The following TSC2 variants were observed in gnomAD, a reference collection of about 807,000 sequenced individuals.
The protein encoded by TSC2 is tuberin.
In TSC2, 29 loss-of-function variants were observed where a neutral mutation model predicts 202.2. The ratio of observed to expected loss-of-function variants is 0.14; its 90% CI spans 0.11 to 0.20. The LOEUF is 0.20. Ranked by LOEUF, TSC2 falls within the 10% of genes least tolerant of loss-of-function variation. The pLI, the probability that TSC2 is intolerant of heterozygous loss-of-function variation, is 1.00. For synonymous variants in TSC2, 1,349 were observed against 1,044.0 expected, an observed-to-expected ratio of 1.29 and a Z score of -5.63; for missense variants, 2,429 against 2,420.0, an observed-to-expected ratio of 1.00 and a Z score of -0.08.
chr16:2,065,387 T>C, intron 15 of TSC2, 132 bp from the exon 16 acceptor site: 2 of 794,712 alleles, frequency 2.5e-6, no homozygotes, highest in South Asian at 1.4e-5. Flanking sequence ...CACTCCAGCC[T>C]GGGCGACAGA....
chr16:2,077,365 CCTTA>C (rs1349174942), intron 25 of TSC2: 2 of 623,924 alleles, frequency 3.2e-6, no homozygotes, highest in Admixed American at 2.6e-5. Context: ...ATGCGTGAAG[CCTTA>C]CTTGTTCTCA....
chr16:2,081,897 G>A (rs918567221), intron 31 of TSC2, 99 bp downstream of exon 31: 26 of 1,476,154 alleles, frequency 1.8e-5, no homozygotes, highest in Middle Eastern at 4.7e-4. Context: ...GCGCCCACAC[G>A]GCTGGGAGTG....
intron 32 of TSC2, 152 bp from the exon 33 acceptor site, chr16:2,083,543 C>G (rs983463013): frequency 7.3e-7 from 1 of 1,360,584 alleles, no homozygotes; most frequent in South Asian, 1.3e-5. Context: ...TCCTCCCTGC[C>G]CGCTCGGTGG....
At position 2,087,302 on chromosome 16, in the gene TSC2, G is replaced by A. The variant is rs889448612; in HGVS notation, c.4989+431G>A. The A allele has an allele frequency of 2.0e-5, 7 of 342,792 alleles. No homozygotes were observed. In the Admixed American group the frequency reaches 2.9e-4, roughly 14 times the overall value. 21.2% of individuals were successfully genotyped at this position (342,792 alleles called of 1,614,324 possible). ...GCCAGTGTCACAGCACGGTCCGGGT[G>A]AGCCCCAGCATGGCGGGGAGAGCTG... On this transcript the variant is annotated intron_variant, in intron 38 of 41. Coordinates refer to ENST00000219476, the MANE Select transcript of TSC2 (RefSeq NM_000548.5).
intron 9 of TSC2, among the ~76,000 whole-genome samples, chr16:2,058,529 A>G (rs377430959): frequency 6.6e-6 from 1 of 152,224 alleles, no homozygotes; most frequent in East Asian, 1.9e-4. Flanking sequence ...TGTAGCTCAC[A>G]GCGTGGTCAG....
At chr16:2,057,329 C>T (rs1319395260) in intron 9 of TSC2, 151 bp downstream of exon 9, 9 of 874,352 alleles carry the variant, frequency 1.0e-5, no homozygotes, top group African/African-American at 1.7e-5. Flanking sequence ...AGGCCCATGA[C>T]TTCTAGGATC....
At chr16:2,071,144 C>A (rs1596340051) in intron 17 of TSC2, among the ~76,000 whole-genome samples, 1 of 152,304 alleles carries the variant, frequency 6.6e-6, no homozygotes, top group East Asian at 1.9e-4. Flanking sequence ...GAGTCCTGTT[C>A]AGCCTGTCGA....
chr16:2,053,853 C>T (rs1204926856), intron 4 of TSC2: 2 of 488,612 alleles, frequency 4.1e-6, no homozygotes, highest in Non-Finnish European at 8.1e-6. Flanking sequence ...ACACCCAGGC[C>T]TCTTGGTGTT....
At chr16:2,069,006 C>T (rs1003536447) in intron 16 of TSC2, among the ~76,000 whole-genome samples, 7 of 151,752 alleles carry the variant, frequency 4.6e-5, no homozygotes, top group African/African-American at 1.7e-4. Context: ...GGAGAGGAGA[C>T]ACATGGTCTT....
intron 11 of TSC2, 82 bp downstream of exon 11, chr16:2,060,895 C>T (rs538845091): frequency 6.5e-7 from 1 of 1,545,888 alleles, no homozygotes; most frequent in South Asian, 1.1e-5. Flanking sequence ...GTACCTTGGG[C>T]CCCATCTCTG....
chr16:2,072,579 C>A (rs535691138), intron 20 of TSC2: 53 of 826,022 alleles, frequency 6.4e-5, no homozygotes, highest in Non-Finnish European at 8.9e-5. Flanking sequence ...AGGTCCCCAG[C>A]CAAGGGCATG....
chr16:2,086,941 A>G (rs2090884916), intron 38 of TSC2, 70 bp downstream of exon 38: 1 of 1,545,202 alleles, frequency 6.5e-7, no homozygotes, highest in African/African-American at 1.4e-5. Flanking sequence ...GGTTGGTGGC[A>G]GGTCCTCCTC....
rs1261088699 is a variant in TSC2 at position 2,087,144 on chromosome 16, CCTGT to C, written c.4989+279_4989+282del. 84 of 529,936 alleles carry C rather than the reference CCTGT, an allele frequency of 1.6e-4. 1 individual carries two copies. Among genetic ancestry groups the C allele is most frequent in the Middle Eastern group, 1.1e-3 (2 of 1,858 alleles). 32.8% of individuals were successfully genotyped at this position (529,936 alleles called of 1,614,324 possible). A position where few individuals can be genotyped will look rare whatever the true frequency, so the allele number is the denominator to read the frequency against. Reference sequence around the variant, plus strand: ...GGTGGGCACAGTGTAGTTGGTGCTTCCTGTCTGTCCGGCGCGGCCCTTGGGCCCC... The same window carrying C: ...GGTGGGCACAGTGTAGTTGGTGCTTCCTGTCCGGCGCGGCCCTTGGGCCCC... On this transcript the variant is annotated intron_variant, in intron 38 of 41. Coordinates refer to ENST00000219476, the MANE Select transcript of TSC2 (RefSeq NM_000548.5).
rs182538665 is a variant in TSC2, at chr16:2,072,295, C to T, written c.2152C>T (p.Arg718Cys). The change falls in exon 20 of 42, where the codon CGC (arginine) becomes TGC (cysteine). Residue 718 changes from arginine to cysteine, a missense_variant. Arg to Cys is a radical substitution (Grantham distance 180). Transcript: ENST00000219476. ...TCTGGGCAGGCTGCCTGAGTCCCTG[C>T]GCTATAAAGTGCTCATCTTTACTTC... ...LVLGRLPESLRYKVLIFTSPC... is the reference protein window; with the variant it reads ...LVLGRLPESLCYKVLIFTSPC... 13 of 1,614,126 alleles carry T rather than the reference C, an allele frequency of 8.1e-6. No homozygotes were observed. In the Admixed American group the frequency reaches 1.0e-4, roughly 12 times the overall value.
At chr16:2,064,767 A>G (rs899093757) in intron 15 of TSC2, 2 of 417,146 alleles carry the variant, frequency 4.8e-6, no homozygotes, top group South Asian at 4.4e-5. Flanking sequence ...TTTCAGATGC[A>G]TTTTGGTTTC....
At position 2,081,679 on chromosome 16, in the gene TSC2, C is replaced by T. The variant is rs886039876; in HGVS notation, c.3695C>T (p.Ser1232Phe). 1 of 1,612,894 alleles carries T rather than the reference C, an allele frequency of 6.2e-7. No individual in the cohort carries two copies. The highest frequency in any genetic ancestry group is 8.5e-7 in the Non-Finnish European group (1 of 1,180,018). The stretch of plus-strand genomic sequence containing the variant: ...AACAACATGCCCCTGCAGGAGCTGT[C>T]TAACGCCCTCATGGCGGCTGAGCGC... The part of the protein sequence containing the change: ...DINNMPLQEL[S>F]NALMAAERFK... Residue 1232 changes from serine (S) to phenylalanine (F), a missense_variant, in exon 31 of 42, where the codon TCT (serine) becomes TTT (phenylalanine). Transcript: ENST00000219476.
chr16:2,070,862 G>A (rs1479017358), intron 17 of TSC2, among the ~76,000 whole-genome samples: 3 of 152,210 alleles, frequency 2.0e-5, no homozygotes, highest in African/African-American at 7.2e-5. Context: ...TGGCCCTGAC[G>A]CTCCTGGTGC....
chr16:2,079,006 AC>A lies in TSC2; in HGVS notation c.2967-23del, dbSNP rs1327286771. 6.2e-7 allele frequency: 1 copy of A among 1,611,386 alleles called. No homozygotes were observed. Among genetic ancestry groups the A allele is most frequent in the South Asian group, 1.1e-5 (1 of 91,062 alleles). On this transcript the variant is annotated intron_variant, in intron 26 of 41. Transcript: ENST00000219476. This position sits in a 1 kb window ranked among gnomAD's most constrained non-coding sequence, Gnocchi z 4.6. Reference sequence around the variant, plus strand: ...TCGGCCCGCCCTACCTGGCACCCTGACCCTGGTCACGGCCTCTCCCTCCAGC... The same window carrying A: ...TCGGCCCGCCCTACCTGGCACCCTGACCTGGTCACGGCCTCTCCCTCCAGC...
chr16:2,082,618 G>C, intron 32 of TSC2, 114 bp downstream of exon 32: 1 of 1,232,804 alleles, frequency 8.1e-7, no homozygotes. Flanking sequence ...CATTGCCCTG[G>C]GGAGCAGGTC....
Sources: allele counts gnomAD v4.1 joint callset (sites outside exome capture counted in the v4.1 genomes callset), GRCh38; gene constraint gnomAD v4.1.1; non-coding constraint Gnocchi (gnomAD v3.1); transcripts MANE v1.5; gene names NCBI Gene and HGNC (gene_info 2026-07-23, HGNC 2026-07-21).